NKAIN4: variants seen among roughly 807,000 people sequenced by gnomAD.
NKAIN4 encodes sodium/potassium-transporting ATPase subunit beta-1-interacting protein 4.
In NKAIN4, 28 loss-of-function variants were observed where a neutral mutation model predicts 28.8. That is an observed-to-expected ratio of 0.97 (90% confidence interval 0.72 to 1.33). The LOEUF (loss-of-function observed/expected upper bound fraction) is 1.33. NKAIN4 is among the 40% of genes most tolerant of loss of function. The probability of loss-of-function intolerance (pLI) is 0.00; values close to 1 mark genes in which losing one functional copy is unlikely to be tolerated. For missense variants in NKAIN4, 289 were observed against 277.2 expected (o/e 1.04, Z -0.30); for synonymous variants, 122 against 115.6 (o/e 1.06, Z -0.36).
chr20:63,254,790 C>T (rs2067022368), upstream of NKAIN4: 2 of 219,808 alleles, frequency 9.1e-6, no homozygotes, highest in African/African-American at 2.3e-5. Context: ...CAGGGATGAC[C>T]GGCGTCCGCC....
At chr20:63,251,150 C>A (rs1352215956) in intron 1 of NKAIN4, among the ~76,000 whole-genome samples, 1 of 146,622 alleles carries the variant, frequency 6.8e-6, no homozygotes, top group Non-Finnish European at 1.5e-5. Flanking sequence ...GCCTGGCAGC[C>A]GAGGCAGAGA....
intron 4 of NKAIN4, among the ~76,000 whole-genome samples, chr20:63,246,418 G>A (rs769690243): frequency 2.0e-5 from 3 of 152,182 alleles, no homozygotes; most frequent in Non-Finnish European, 4.4e-5. Context: ...GAGCTGGCAG[G>A]GTGCGTCTGT....
chr20:63,243,673 G>C (rs1379309007), intron 5 of NKAIN4, among the ~76,000 whole-genome samples: 4 of 152,196 alleles, frequency 2.6e-5, no homozygotes, highest in Non-Finnish European at 5.9e-5. Flanking sequence ...CCATGGGCCC[G>C]GTTCCGATCT....
intron 1 of NKAIN4, chr20:63,253,096 T>C: frequency 1.8e-6 from 1 of 545,802 alleles, no homozygotes; most frequent in Non-Finnish European, 2.3e-6. Flanking sequence ...GTGCCTGTCC[T>C]TCATGAGGTC....
chr20:63,246,481 A>C (rs1175115753), intron 4 of NKAIN4: 4 of 984,312 alleles, frequency 4.1e-6, no homozygotes, highest in Non-Finnish European at 4.8e-6. Context: ...GCAGGACCAG[A>C]GCAGAGCCCA....
In NKAIN4 at chr20:63,246,945, G is replaced by T. The variant is rs73153515; in HGVS notation, c.471+633C>A. The T allele has an allele frequency of 1.0e-4, 102 of 986,144 alleles. No homozygotes were observed. The South Asian group carries it at 4.0e-3, about 39-fold the overall frequency. The allele number at this position is 986,144 out of a possible 1,614,324, so 61.1% of individuals were successfully genotyped here. On this transcript the variant is annotated intron_variant, in intron 4 of 6. Coordinates refer to ENST00000370316, the MANE Select transcript of NKAIN4 (RefSeq NM_152864.4). ...GTGTGGCCATACCAGGAGCAGCATC[G>T]TAGCCCCTGTTCTCTACCAACCCGT...
upstream of NKAIN4, chr20:63,254,565 C>T (rs866320314): frequency 3.2e-4 from 242 of 750,128 alleles, no homozygotes; most frequent in Middle Eastern, 9.0e-4. Context: ...CCCGTTCCCC[C>T]CTCCTCCCCG....
At position 63,248,866 on chromosome 20, in the gene NKAIN4, G is replaced by A. The variant is rs1323046042; in HGVS notation, c.222C>T (p.Thr74=). 6.2e-7 allele frequency: 1 copy of A among 1,612,800 alleles called. No individual in the cohort carries two copies. Among genetic ancestry groups the A allele is most frequent in the African/African-American group, 1.3e-5 (1 of 74,938 alleles). The change falls in exon 3 of 7, where the codon ACC becomes ACT. Residue 74 remains threonine (T), a synonymous_variant. Transcript: ENST00000370316. ...VYTLWAAVWV[T]WNVFIICFYL... ...AGAAGCAGATGATGAAGACGTTCCA[G>A]GTGACCCAGACGGCTGCCCACAGCG...
rs1382300600 is a variant in NKAIN4 at position 63,246,899 on chromosome 20, C to T, written c.471+679G>A. ...ACGGAGGTTGTTAGGCTCACAGAGGCGGCACAGCGGGGAAGTGGCCGTGTG... is the reference window on the plus strand; with the variant it reads ...ACGGAGGTTGTTAGGCTCACAGAGGTGGCACAGCGGGGAAGTGGCCGTGTG... On this transcript the variant is annotated intron_variant, in intron 4 of 6. Transcript: ENST00000370316. 9.1e-6 allele frequency: 9 copies of T among 985,284 alleles called. No homozygotes were observed. In the South Asian group the frequency reaches 2.3e-4, roughly 26 times the overall value. The allele number at this position is 985,284 out of a possible 1,614,324, so 61.0% of individuals were successfully genotyped here. A position where few individuals can be genotyped will look rare whatever the true frequency, so the allele number is the denominator to read the frequency against.
intron 2 of NKAIN4, 68 bp from the exon 3 acceptor site, chr20:63,248,963 C>T (rs2066908886): frequency 4.5e-6 from 5 of 1,101,860 alleles, no homozygotes; most frequent in Non-Finnish European, 6.9e-6. Flanking sequence ...GCATCCAGCC[C>T]CCGGGGGAAG....
intron 1 of NKAIN4, among the ~76,000 whole-genome samples, chr20:63,251,334 G>A (rs2066955315): frequency 6.6e-6 from 1 of 152,208 alleles, no homozygotes; most frequent in South Asian, 2.1e-4. Context: ...CAGGGAGACG[G>A]TTAGGCCTCC....
intron 1 of NKAIN4, chr20:63,254,117 C>T (rs1313990547): frequency 4.4e-6 from 2 of 449,886 alleles, no homozygotes; most frequent in Non-Finnish European, 8.2e-6. Flanking sequence ...GTCCGGCCAG[C>T]CCATCCAGCC....
intron 4 of NKAIN4, chr20:63,246,706 G>A (rs759912125): frequency 1.9e-4 from 180 of 970,456 alleles, no homozygotes; most frequent in Admixed American, 3.8e-4. Flanking sequence ...TTCCTCCAGC[G>A]ACGGCACCAG....
At position 63,240,996 on chromosome 20, in the gene NKAIN4, T is replaced by G; in HGVS notation, c.*501A>C. 1 of 158,836 alleles carries G rather than the reference T, an allele frequency of 6.3e-6. No individual in the cohort carries two copies. The highest frequency in any genetic ancestry group is 6.1e-5 in the Admixed American group (1 of 16,438). The allele number at this position is 158,836 out of a possible 1,614,324, so 9.8% of individuals were successfully genotyped here. A position where few individuals can be genotyped will look rare whatever the true frequency, so the allele number is the denominator to read the frequency against. ...CCTCAGCTCCTGGGTGGGGTGGGGG[T>G]TCTTCTGGCACGAGTTTGGGGTTAG... On this transcript the variant is annotated 3_prime_UTR_variant, in exon 7 of 7. Transcript: ENST00000370316.
intron 4 of NKAIN4, chr20:63,247,343 C>A: frequency 1.3e-6 from 2 of 1,484,228 alleles, no homozygotes; most frequent in Non-Finnish European, 1.8e-6. Context: ...CTTGAGAAAG[C>A]GCCTGGGTTG....
chr20:63,250,626 C>T (rs540059628), intron 1 of NKAIN4, among the ~76,000 whole-genome samples: 7 of 146,292 alleles, frequency 4.8e-5, no homozygotes, highest in Admixed American at 2.1e-4. Context: ...GGCAGCCTCC[C>T]CTCCACTTCA....
At chr20:63,250,978 C>A (rs2066948919) in intron 1 of NKAIN4, among the ~76,000 whole-genome samples, 1 of 151,274 alleles carries the variant, frequency 6.6e-6, no homozygotes, top group South Asian at 2.1e-4. Context: ...CCCGGGGGAC[C>A]ACTACCACCA....
chr20:63,242,402 A>T (rs1046176216), intron 6 of NKAIN4, 137 bp downstream of exon 6: 1 of 713,322 alleles, frequency 1.4e-6, no homozygotes, highest in East Asian at 2.4e-5. Context: ...TAGAAAAGTG[A>T]GAGTGGATGG....
intron 2 of NKAIN4, 65 bp downstream of exon 2, chr20:63,249,870 T>G (rs566483561): frequency 1.3e-6 from 2 of 1,509,966 alleles, no homozygotes; most frequent in Non-Finnish European, 1.8e-6. Flanking sequence ...GATGGTGCCA[T>G]GGGAGCCGCC....
Sources: allele counts gnomAD v4.1 joint callset (sites outside exome capture counted in the v4.1 genomes callset), GRCh38; gene constraint gnomAD v4.1.1; transcripts MANE v1.5; gene names NCBI Gene and HGNC (gene_info 2026-07-23, HGNC 2026-07-21).